PLCE1: variants seen among roughly 807,000 people sequenced by gnomAD.
PLCE1 encodes 1-phosphatidylinositol 4,5-bisphosphate phosphodiesterase epsilon-1.
PLCE1 carries 119 observed loss-of-function variants against 242.8 expected under a neutral mutation model. That is an observed-to-expected ratio of 0.49 (90% CI 0.42 to 0.57). The LOEUF is 0.57. PLCE1 is among the 20% of genes least tolerant of loss of function. The pLI, the probability that PLCE1 is intolerant of heterozygous loss-of-function variation, is 0.00. For synonymous variants in PLCE1, 945 were observed against 1,017.4 expected (o/e 0.93, Z 1.35); for missense variants, 2,441 against 2,788.8 (o/e 0.88, Z 2.81).
intron 2 of PLCE1, among the ~76,000 whole-genome samples, chr10:94,082,637 C>T (rs2044686616): frequency 6.6e-6 from 1 of 152,038 alleles, no homozygotes; most frequent in Non-Finnish European, 1.5e-5. Flanking sequence ...AGTAGGTGCT[C>T]ATAATGTATT....
intron 24 of PLCE1, among the ~76,000 whole-genome samples, chr10:94,303,047 G>C (rs1234598074): frequency 1.3e-5 from 2 of 152,236 alleles, no homozygotes; most frequent in African/African-American, 2.4e-5. Context: ...AGGGGCCTGA[G>C]AGATGAGGTC....
At position 94,332,352 on chromosome 10, in the gene PLCE1, G is replaced by C. The variant is rs2133976216; in HGVS notation, c.*4409G>C. On this transcript the variant is annotated 3_prime_UTR_variant, in exon 33 of 33. Transcript: ENST00000371380. ...AGCGTTATGTGGATGATTTGACTCA[G>C]CATGGAAGACTGAGGTTGTCTTACA... 6.6e-6 allele frequency: 1 copy of C among 152,284 alleles called. No individual in the cohort carries two copies. Among genetic ancestry groups the C allele is most frequent in the South Asian group, 2.1e-4 (1 of 4,828 alleles). 9.4% of individuals were successfully genotyped at this position (152,284 alleles called of 1,614,324 possible). A position where few individuals can be genotyped will look rare whatever the true frequency, so the allele number is the denominator to read the frequency against.
At chr10:94,088,879 C>A in intron 2 of PLCE1, 2 of 447,624 alleles carry the variant, frequency 4.5e-6, no homozygotes, top group Non-Finnish European at 3.9e-6. Context: ...TTACAGAAGC[C>A]AGATTACTAA....
At chr10:94,190,650 G>A (rs562467474) in intron 4 of PLCE1, among the ~76,000 whole-genome samples, 1 of 152,332 alleles carries the variant, frequency 6.6e-6, no homozygotes, top group African/African-American at 2.4e-5. Flanking sequence ...CTTAGCTCAG[G>A]ATAGTGCCTG....
At chr10:94,227,621 A>G (rs996967494) in intron 5 of PLCE1, among the ~76,000 whole-genome samples, 170 bp downstream of exon 5, 5 of 152,242 alleles carry the variant, frequency 3.3e-5, no homozygotes, top group Admixed American at 3.3e-4. Context: ...TCCCTCAAAG[A>G]TGCTGCAGAA....
At chr10:94,135,385 A>G (rs2046738384) in intron 3 of PLCE1, among the ~76,000 whole-genome samples, 2 of 152,180 alleles carry the variant, frequency 1.3e-5, no homozygotes, top group Non-Finnish European at 2.9e-5. Context: ...CTGCCAGAGG[A>G]TCAGGAGTAC....
intron 3 of PLCE1, among the ~76,000 whole-genome samples, chr10:94,142,277 G>A (rs557105547): frequency 6.6e-6 from 1 of 150,536 alleles, no homozygotes; most frequent in Non-Finnish European, 1.5e-5. Context: ...TGTACTCTGG[G>A]AGGCAAAGCC....
At chr10:94,049,599 G>GTCTCTCTCTCTC (rs547011018) in intron 2 of PLCE1, among the ~76,000 whole-genome samples, 1 of 150,606 alleles carries the variant, frequency 6.6e-6, no homozygotes, top group Non-Finnish European at 1.5e-5. Flanking sequence ...CTGTCTGTCT[G>GTCTCTCTCTCTC]TCTCTCTCTC....
intron 3 of PLCE1, among the ~76,000 whole-genome samples, chr10:94,170,417 T>C (rs1170208546): frequency 6.6e-6 from 1 of 152,178 alleles, no homozygotes; most frequent in Non-Finnish European, 1.5e-5. Context: ...TGGCTCTAAT[T>C]ACAGAAATCA....
At position 94,236,962 on chromosome 10, in the gene PLCE1, A is replaced by G. The variant is rs1018088076; in HGVS notation, c.2420+842A>G. On this transcript the variant is annotated intron_variant, in intron 7 of 32. Transcript: ENST00000371380. The stretch of plus-strand genomic sequence containing the variant: ...AATAATTGAGGATATTAAAGAAAAG[A>G]AAAATAAGAATATGAGAAAATAAAA... Among the ~76,000 whole-genome samples, 8 of 152,346 alleles carry G rather than the reference A, an allele frequency of 5.3e-5. No individual in the cohort carries two copies. The South Asian group carries it at 1.7e-3, about 32-fold the overall frequency.
chr10:94,239,211 C>G (rs1446707712), intron 7 of PLCE1, among the ~76,000 whole-genome samples: 1 of 152,194 alleles, frequency 6.6e-6, no homozygotes, highest in Non-Finnish European at 1.5e-5. Flanking sequence ...GGCTGTGCCT[C>G]CAGCCAAACT....
chr10:94,081,589 T>A (rs1204086218), intron 2 of PLCE1, among the ~76,000 whole-genome samples: 1 of 152,260 alleles, frequency 6.6e-6, no homozygotes, highest in Non-Finnish European at 1.5e-5. Flanking sequence ...GGCTTGTTTT[T>A]CATGTCTTAT....
chr10:94,242,516 C>T (rs1044042805), intron 7 of PLCE1, among the ~76,000 whole-genome samples: 4 of 151,944 alleles, frequency 2.6e-5, no homozygotes, highest in African/African-American at 7.3e-5. Context: ...TTACCATGTT[C>T]GCCAGGCTGG....
At chr10:94,162,307 C>G (rs968301372) in intron 3 of PLCE1, among the ~76,000 whole-genome samples, 2 of 151,846 alleles carry the variant, frequency 1.3e-5, no homozygotes, top group South Asian at 2.1e-4. Flanking sequence ...TGGTTGGTAA[C>G]CTATTAATTA....
intron 1 of PLCE1, among the ~76,000 whole-genome samples, chr10:94,021,026 T>TA (rs2061367056): frequency 6.6e-6 from 1 of 152,098 alleles, no homozygotes; most frequent in African/African-American, 2.4e-5. Flanking sequence ...AGATGGGGTT[T>TA]CACTATGTTG....
chr10:94,238,800 A>G (rs1564817844), intron 7 of PLCE1, among the ~76,000 whole-genome samples: 1 of 152,140 alleles, frequency 6.6e-6, no homozygotes, highest in Non-Finnish European at 1.5e-5. Context: ...TATTGTCATC[A>G]TTTTCAATAT....
At chr10:94,141,679 A>G (rs2046978222) in intron 3 of PLCE1, among the ~76,000 whole-genome samples, 1 of 130,070 alleles carries the variant, frequency 7.7e-6, no homozygotes, top group African/African-American at 2.8e-5. Flanking sequence ...GGAGGAAAGA[A>G]AGAAGGAAGG....
intron 2 of PLCE1, among the ~76,000 whole-genome samples, chr10:94,070,167 A>G (rs192817212): frequency 8.5e-5 from 13 of 152,334 alleles, no homozygotes; most frequent in African/African-American, 3.1e-4. Flanking sequence ...TTTAAAATGG[A>G]AAAATGCATG....
intron 16 of PLCE1, among the ~76,000 whole-genome samples, 161 bp from the exon 17 acceptor site, chr10:94,268,768 T>C (rs1295518489): frequency 5.3e-5 from 8 of 152,230 alleles, no homozygotes; most frequent in South Asian, 4.1e-4. Context: ...GGATTAATTG[T>C]GGCCTTTGGC....
Sources: gnomAD v4.1 joint callset for allele counts (sites outside exome capture counted in the v4.1 genomes callset) on GRCh38, gnomAD v4.1.1 for gene constraint, MANE v1.5 for transcripts, NCBI Gene and HGNC (gene_info 2026-07-23, HGNC 2026-07-21) for gene names.